Variants in TACC1 observed in about 807,000 individuals in gnomAD.
TACC1 encodes the protein transforming acidic coiled-coil containing protein 1.
A neutral mutation model predicts 84.4 loss-of-function variants in TACC1; 48 were observed. That is an observed-to-expected ratio of 0.57 (90% CI 0.45 to 0.72). TACC1 has a LOEUF of 0.72. Among genes scored for constraint, TACC1 ranks in the 30% least tolerant of loss-of-function variants. TACC1 has a pLI of 0.00. For synonymous variants in TACC1, 372 were observed against 376.3 expected, an observed-to-expected ratio of 0.99 and a Z score of 0.13; for missense variants, 920 against 973.0, an observed-to-expected ratio of 0.95 and a Z score of 0.72.
upstream of TACC1, among the ~76,000 whole-genome samples, chr8:38,786,234 T>C (rs907016523): frequency 1.3e-5 from 2 of 152,310 alleles, no homozygotes; most frequent in Middle Eastern, 3.4e-3. Context: ...GAAGGTGCTT[T>C]GGTGGTTTTG....
chr8:38,794,427 C>G (rs1490186137), intron 2 of TACC1, among the ~76,000 whole-genome samples: 1 of 152,108 alleles, frequency 6.6e-6, no homozygotes, highest in African/African-American at 2.4e-5. Context: ...ATGAGCCAGC[C>G]TCACCCAACC....
intron 7 of TACC1, among the ~76,000 whole-genome samples, chr8:38,837,510 C>T (rs991740576): frequency 2.0e-5 from 3 of 152,146 alleles, no homozygotes; most frequent in Admixed American, 6.5e-5. Flanking sequence ...ATTGCAGCCT[C>T]GAACTCCTAG....
intron 2 of TACC1, among the ~76,000 whole-genome samples, chr8:38,801,155 T>C (rs889395403): frequency 1.3e-5 from 2 of 152,252 alleles, no homozygotes; most frequent in African/African-American, 2.4e-5. Context: ...TTATTAGATA[T>C]GTGACTAAAT....
chr8:38,811,119 AAAAT>A (rs1249356157), intron 2 of TACC1, among the ~76,000 whole-genome samples: 1 of 152,134 alleles, frequency 6.6e-6, no homozygotes, highest in African/African-American at 2.4e-5. Context: ...CCCTGTCTCT[AAAAT>A]AAATAAAGTA....
chr8:38,819,462 A>T lies in TACC1; in HGVS notation c.278-60A>T, dbSNP rs1253744690. On this transcript the variant is annotated intron_variant, in intron 2 of 12. Coordinates refer to ENST00000317827, the MANE Select transcript of TACC1 (RefSeq NM_006283.3). ...ATTTGTTTATATGAATTCAGGTAAG[A>T]GAGGATACTTACCAGTGACAGATAA... The T allele has an allele frequency of 1.9e-5, 29 of 1,499,860 alleles. No homozygotes were observed. In the East Asian group the frequency reaches 6.6e-4, roughly 34 times the overall value. The allele number at this position is 1,499,860 out of a possible 1,614,324, so 92.9% of individuals were successfully genotyped here.
intron 12 of TACC1, 86 bp downstream of exon 12, chr8:38,846,905 G>T (rs1832423497): frequency 3.3e-6 from 5 of 1,514,654 alleles, no homozygotes; most frequent in Admixed American, 4.1e-5. Flanking sequence ...AGATCTGGGT[G>T]AAAGAGGCCT....
upstream of TACC1, among the ~76,000 whole-genome samples, chr8:38,784,282 G>T (rs1816690913): frequency 6.6e-6 from 1 of 152,086 alleles, no homozygotes; most frequent in African/African-American, 2.4e-5. Context: ...GTCTCAAGAA[G>T]TTGCTGCAGG....
chr8:38,808,231 G>A (rs888238362), intron 2 of TACC1, among the ~76,000 whole-genome samples: 1 of 152,198 alleles, frequency 6.6e-6, no homozygotes, highest in Non-Finnish European at 1.5e-5. Flanking sequence ...TGTAAAAATG[G>A]AAAGGCACAT....
chr8:38,825,073 A>AG (rs1827734277), intron 3 of TACC1, among the ~76,000 whole-genome samples: 1 of 152,142 alleles, frequency 6.6e-6, no homozygotes, highest in Non-Finnish European at 1.5e-5. Context: ...AAGCAAGCTG[A>AG]GGGGGTCTTT....
chr8:38,770,639 A>G (rs972513371), intron 3 of TACC1, among the ~76,000 whole-genome samples: 1 of 152,120 alleles, frequency 6.6e-6, no homozygotes, highest in Non-Finnish European at 1.5e-5. Context: ...TGAGAGCCGC[A>G]CGATAGATGT....
intron 6 of TACC1, 123 bp from the exon 7 acceptor site, chr8:38,836,039 T>C: frequency 7.4e-7 from 1 of 1,354,660 alleles, no homozygotes; most frequent in South Asian, 1.4e-5. Context: ...TTCCCCCCGC[T>C]GACTTTTCTT....
At chr8:38,829,210 A>G (rs1326201805) in intron 5 of TACC1, among the ~76,000 whole-genome samples, 1 of 152,232 alleles carries the variant, frequency 6.6e-6, no homozygotes, top group East Asian at 1.9e-4. Context: ...TTTAAAAGTC[A>G]TGATCTGCCA....
chr8:38,784,203 C>T (rs2151960260), upstream of TACC1, among the ~76,000 whole-genome samples: 1 of 152,266 alleles, frequency 6.6e-6, no homozygotes, highest in South Asian at 2.1e-4. Flanking sequence ...TTCATTACTG[C>T]TTACACTAAG....
At chr8:38,740,776 G>T (rs557182833) in intron 1 of TACC1, among the ~76,000 whole-genome samples, 1 of 152,124 alleles carries the variant, frequency 6.6e-6, no homozygotes, top group Non-Finnish European at 1.5e-5. Flanking sequence ...ATTTCCATTT[G>T]CAGGCACAGA....
intron 2 of TACC1, among the ~76,000 whole-genome samples, chr8:38,742,926 G>A (rs1807353888): frequency 6.6e-6 from 1 of 152,130 alleles, no homozygotes; most frequent in Admixed American, 6.6e-5. Flanking sequence ...TGTTGGCCAG[G>A]CCGGTCTCGA....
chr8:38,832,881 G>A (rs926126260), intron 6 of TACC1, among the ~76,000 whole-genome samples: 15 of 152,326 alleles, frequency 9.8e-5, no homozygotes, highest in Admixed American at 5.9e-4. Context: ...CCACAGCCAC[G>A]GGAATCAGTG....
At chr8:38,799,676 T>C (rs1221659579) in intron 2 of TACC1, 1 of 152,272 alleles carries the variant, frequency 6.6e-6, no homozygotes, top group Non-Finnish European at 1.5e-5. Flanking sequence ...GGATGTTTCA[T>C]ATACCATACT....
intron 3 of TACC1, among the ~76,000 whole-genome samples, chr8:38,759,793 A>G (rs1214058858): frequency 2.6e-5 from 4 of 152,250 alleles, no homozygotes; most frequent in South Asian, 4.1e-4. Context: ...AGACTCTAGA[A>G]ATGCAAGATT....
exon 3 of TACC1, chr8:38,745,179 C>T (rs567678673): frequency 1.3e-4 from 41 of 308,076 alleles, no homozygotes; most frequent in African/African-American, 8.4e-4. Flanking sequence ...CAACCCCTGA[C>T]CCACATACAC....
Sources: gnomAD v4.1 joint callset for allele counts (sites outside exome capture counted in the v4.1 genomes callset) on GRCh38, gnomAD v4.1.1 for gene constraint, MANE v1.5 for transcripts, NCBI Gene and HGNC (gene_info 2026-07-23, HGNC 2026-07-21) for gene names.